The following NWD2 variants were observed in gnomAD, a reference collection of about 807,000 sequenced individuals.
NWD2 encodes NACHT and WD repeat domain containing 2.
Under a neutral mutation model 132.7 loss-of-function variants are expected in NWD2, and 37 were observed. The observed-to-expected ratio is 0.28, with a 90% CI of 0.21 to 0.37. The LOEUF is 0.37. NWD2 is among the 10% of genes least tolerant of loss of function. NWD2 has a pLI of 1.00. For missense variants in NWD2, 1,592 were observed against 2,122.4 expected (o/e 0.75, Z 4.91); for synonymous variants, 705 against 803.0 (o/e 0.88, Z 2.06).
chr4:37,302,387 A>G (rs1370130951), intron 1 of NWD2, among the ~76,000 whole-genome samples: 1 of 151,974 alleles, frequency 6.6e-6, no homozygotes, highest in Non-Finnish European at 1.5e-5. Context: ...TTGATTCCTT[A>G]TCTTGAGTAT....
chr4:37,446,721 A>G lies in NWD2; in HGVS notation c.4733A>G (p.Tyr1578Cys). The change falls in exon 7 of 7, where the codon TAC (tyrosine) becomes TGC (cysteine). Residue 1578 changes from tyrosine (Y) to cysteine (C), a missense_variant. Physicochemically the swap from Tyr to Cys is radical, Grantham distance 194. Around this residue, in one of 7 missense-constraint regions of NWD2, gnomAD observed 257 missense variants for 335.0 expected, o/e 0.77. Transcript: ENST00000309447. This position sits in a 1 kb window ranked among gnomAD's most constrained non-coding sequence, Gnocchi z 6.7. Reference sequence around the variant, plus strand: ...CAGAGGTTGTCTCGGGATGGTCGCTACCTGGTATACATTTGTTTCCGAAAT... The same window carrying G: ...CAGAGGTTGTCTCGGGATGGTCGCTGCCTGGTATACATTTGTTTCCGAAAT... The part of the protein sequence containing the change: ...WRQRLSRDGR[Y>C]LVYICFRNGE... The G allele has an allele frequency of 6.4e-7, 1 of 1,551,634 alleles. No individual in the cohort carries two copies. The highest frequency in any genetic ancestry group is 8.7e-7 in the Non-Finnish European group (1 of 1,146,978).
At chr4:37,307,130 G>A (rs1577662510) in intron 1 of NWD2, among the ~76,000 whole-genome samples, 1 of 152,238 alleles carries the variant, frequency 6.6e-6, no homozygotes, top group Middle Eastern at 3.4e-3. Context: ...TTGGTCTAGG[G>A]TATAGTTTAA....
rs1025887154 is a variant in NWD2 at position 37,445,780 on chromosome 4, A to T, written c.3792A>T (p.Gly1264=). 1 of 1,551,826 alleles carries T rather than the reference A, an allele frequency of 6.4e-7. No individual in the cohort carries two copies. Among genetic ancestry groups the T allele is most frequent in the East Asian group, 2.4e-5 (1 of 40,920 alleles). Residue 1264 remains glycine (G), a synonymous_variant, in exon 7 of 7, where the codon GGA becomes GGT. Transcript: ENST00000309447. The surrounding 1 kb of genome is among the most constrained non-coding windows in gnomAD (Gnocchi z 4.7). ...SAVFFWRRDT[G]QCMASLQEIS... Reference sequence around the variant, plus strand: ...TGTTTTTTTGGAGGCGGGACACAGGACAGTGTATGGCAAGCTTGCAGGAAA... The same window carrying T: ...TGTTTTTTTGGAGGCGGGACACAGGTCAGTGTATGGCAAGCTTGCAGGAAA...
Position 37,439,448 on chromosome 4 carries a change from T to C in NWD2, c.1296+58T>C. 8.8e-7 allele frequency: 1 copy of C among 1,141,272 alleles called. No individual in the cohort carries two copies. The highest frequency in any genetic ancestry group is 1.2e-6 in the Non-Finnish European group (1 of 834,126). The allele number at this position is 1,141,272 out of a possible 1,614,324, so 70.7% of individuals were successfully genotyped here. Reference sequence around the variant, plus strand: ...AAAAACTTGTACTTTTGGAAAATGGTAAATTAATCAAATTCATTTCTACTT... The same window carrying C: ...AAAAACTTGTACTTTTGGAAAATGGCAAATTAATCAAATTCATTTCTACTT... On this transcript the variant is annotated intron_variant, in intron 6 of 6. Transcript: ENST00000309447. The surrounding 1 kb of genome is among the most constrained non-coding windows in gnomAD (Gnocchi z 4.5).
chr4:37,433,855 C>A, intron 4 of NWD2, 21 bp from the exon 5 acceptor site: 2 of 1,497,134 alleles, frequency 1.3e-6, no homozygotes, highest in South Asian at 1.3e-5. Flanking sequence ...AGACTAATTT[C>A]TCCCTTTTAC....
intron 2 of NWD2, among the ~76,000 whole-genome samples, chr4:37,334,045 G>A (rs1278970748): frequency 6.6e-6 from 1 of 151,952 alleles, no homozygotes; most frequent in Non-Finnish European, 1.5e-5. Flanking sequence ...AAAGAATGAA[G>A]CATGCCTACG....
chr4:37,304,690 G>C (rs2109277928), intron 1 of NWD2, among the ~76,000 whole-genome samples: 1 of 152,242 alleles, frequency 6.6e-6, no homozygotes, highest in East Asian at 1.9e-4. Flanking sequence ...AATAATCTTT[G>C]ACCCCAGGCC....
At chr4:37,301,228 TG>T (rs1718606103) in intron 1 of NWD2, among the ~76,000 whole-genome samples, 1 of 152,144 alleles carries the variant, frequency 6.6e-6, no homozygotes, top group South Asian at 2.1e-4. Context: ...ATTTTTTCTC[TG>T]GCTGTTTCTA....
intron 1 of NWD2, among the ~76,000 whole-genome samples, chr4:37,252,652 G>T (rs917063016): frequency 6.6e-6 from 1 of 152,146 alleles, no homozygotes; most frequent in Non-Finnish European, 1.5e-5. Flanking sequence ...ACTTGGCTGG[G>T]CTGGAAGGTC....
intron 2 of NWD2, among the ~76,000 whole-genome samples, chr4:37,336,371 G>A (rs1413557912): frequency 4.6e-5 from 7 of 151,998 alleles, no homozygotes; most frequent in East Asian, 3.9e-4. Context: ...TGTATTTTAC[G>A]CTCAGAGCAC....
chr4:37,301,700 T>C (rs1718615600), intron 1 of NWD2, among the ~76,000 whole-genome samples: 1 of 152,064 alleles, frequency 6.6e-6, no homozygotes, highest in Admixed American at 6.5e-5. Flanking sequence ...TGTATTCTTT[T>C]ATTCAATGCT....
chr4:37,361,119 T>C (rs1221921950), intron 3 of NWD2, among the ~76,000 whole-genome samples: 2 of 151,976 alleles, frequency 1.3e-5, no homozygotes, highest in East Asian at 3.9e-4. Flanking sequence ...CCTCCCAATA[T>C]TGAACAAGGA....
intron 3 of NWD2, among the ~76,000 whole-genome samples, chr4:37,395,570 G>A (rs142579347): frequency 0.047 from 3,573 of 76,242 alleles, 79 homozygotes; most frequent in Middle Eastern, 0.11. Context: ...GGCAACAAGA[G>A]CGAAACTCTG....
intron 1 of NWD2, among the ~76,000 whole-genome samples, chr4:37,316,329 C>T (rs1718956240): frequency 1.3e-5 from 2 of 152,002 alleles, no homozygotes; most frequent in Non-Finnish European, 1.5e-5. Context: ...GGCTTCCACT[C>T]CTTCTGATGA....
In NWD2 at chr4:37,260,344, C is replaced by T. The variant is rs114528498; in HGVS notation, c.151+15126C>T. Among the ~76,000 whole-genome samples, 492 of 152,254 alleles carry T rather than the reference C, an allele frequency of 3.2e-3. 4 individuals carry two copies. Among genetic ancestry groups the T allele is most frequent in the African/African-American group, 0.011 (456 of 41,542 alleles). On this transcript the variant is annotated intron_variant, in intron 1 of 6. Transcript: ENST00000309447. ...GAATGAGGTGGTTGACAAACAGGTT[C>T]TCTGGGGCCTCTTTGAGCTGCAGTA...
At chr4:37,266,488 C>T (rs953245450) in intron 1 of NWD2, among the ~76,000 whole-genome samples, 6 of 152,062 alleles carry the variant, frequency 3.9e-5, no homozygotes, top group Non-Finnish European at 7.4e-5. Context: ...GAGACCGTCT[C>T]CTTCAGCTAG....
intron 2 of NWD2, among the ~76,000 whole-genome samples, chr4:37,351,326 G>A (rs182356449): frequency 6.6e-5 from 10 of 152,136 alleles, no homozygotes; most frequent in East Asian, 3.9e-4. Flanking sequence ...TTTTTGGCTC[G>A]TAGGCTATTA....
intron 3 of NWD2, among the ~76,000 whole-genome samples, chr4:37,405,420 GTAATAGAATAGAATAGAATA>G (rs1446045105): frequency 1.6e-4 from 22 of 138,746 alleles, no homozygotes; most frequent in Non-Finnish European, 2.3e-4. Flanking sequence ...TTAGTTGAAT[GTAATAGAATAGAATAGAATA>G]GAATAGAATA....
intron 3 of NWD2, among the ~76,000 whole-genome samples, chr4:37,412,235 C>T (rs1721174478): frequency 6.6e-6 from 1 of 152,092 alleles, no homozygotes; most frequent in African/African-American, 2.4e-5. Context: ...TTTAGAAAAC[C>T]CCATCATCTC....
Sources: allele counts gnomAD v4.1 joint callset (sites outside exome capture counted in the v4.1 genomes callset), GRCh38; gene constraint gnomAD v4.1.1; regional missense constraint gnomAD v4.1.1; non-coding constraint Gnocchi (gnomAD v3.1); transcripts MANE v1.5; gene names NCBI Gene and HGNC (gene_info 2026-07-23, HGNC 2026-07-21).